Variants in CDK5RAP2 observed in about 807,000 individuals in gnomAD.
CDK5RAP2 encodes the protein CDK5 regulatory subunit-associated protein 2.
Under a neutral mutation model 232.9 loss-of-function variants are expected in CDK5RAP2, and 147 were observed. The observed-to-expected ratio is 0.63, with a 90% CI of 0.55 to 0.72. CDK5RAP2 has a LOEUF of 0.72. Among genes scored for constraint, CDK5RAP2 ranks in the 30% least tolerant of loss-of-function variants. CDK5RAP2 has a pLI of 0.00. For synonymous variants in CDK5RAP2, 833 were observed against 833.7 expected (o/e 1.00, Z 0.01); for missense variants, 2,195 against 2,231.5 (o/e 0.98, Z 0.33).
chr9:120,409,945 G>C (rs2033740751), intron 29 of CDK5RAP2, among the ~76,000 whole-genome samples: 1 of 152,164 alleles, frequency 6.6e-6, no homozygotes, highest in African/African-American at 2.4e-5. Context: ...CATCTATAAA[G>C]GGTTTATCAC....
At chr9:120,419,045 T>C (rs755436242) in intron 27 of CDK5RAP2, among the ~76,000 whole-genome samples, 3 of 152,278 alleles carry the variant, frequency 2.0e-5, no homozygotes, top group Non-Finnish European at 4.4e-5. Flanking sequence ...TGGGAGATGA[T>C]AGGACCATGA....
intron 23 of CDK5RAP2, among the ~76,000 whole-genome samples, chr9:120,442,918 C>G (rs951985572): frequency 2.0e-5 from 3 of 151,944 alleles, no homozygotes; most frequent in African/African-American, 7.3e-5. Flanking sequence ...ACAATTATTT[C>G]TAACAGAGTG....
chr9:120,437,275 G>A lies in CDK5RAP2; in HGVS notation c.3955+20C>T, dbSNP rs540334806. 2.6e-5 allele frequency: 41 copies of A among 1,554,344 alleles called. No homozygotes were observed. The highest frequency in any genetic ancestry group is 3.3e-4 in the Middle Eastern group (2 of 5,978). On this transcript the variant is annotated intron_variant, in intron 25 of 37. Transcript: ENST00000349780. ...GTCAATTACTGATGTCTTAAGACTC[G>A]CGTACCTCACCCTACCTACCGTTGA...
At chr9:120,451,476 T>C (rs941540197) in intron 21 of CDK5RAP2, among the ~76,000 whole-genome samples, 2 of 152,226 alleles carry the variant, frequency 1.3e-5, no homozygotes, top group African/African-American at 4.8e-5. Flanking sequence ...CTGGTCTCCT[T>C]GTCTCACCCT....
chr9:120,507,294 A>C (rs1286129646), intron 12 of CDK5RAP2, among the ~76,000 whole-genome samples: 1 of 152,220 alleles, frequency 6.6e-6, no homozygotes, highest in South Asian at 2.1e-4. Context: ...GCTTTATTCC[A>C]ATCCCTAATA....
At chr9:120,482,082 T>G (rs1290685924) in intron 14 of CDK5RAP2, among the ~76,000 whole-genome samples, 1 of 152,194 alleles carries the variant, frequency 6.6e-6, no homozygotes, top group African/African-American at 2.4e-5. Flanking sequence ...AGAAGTAACT[T>G]GTTTGAGTCC....
intron 6 of CDK5RAP2, among the ~76,000 whole-genome samples, chr9:120,538,760 T>C (rs1647216872): frequency 6.6e-6 from 1 of 152,246 alleles, no homozygotes; most frequent in Admixed American, 6.5e-5. Flanking sequence ...GGATTAAACC[T>C]ACTAGTATTA....
chr9:120,575,217 A>C (rs900265940), intron 1 of CDK5RAP2, among the ~76,000 whole-genome samples: 5 of 151,828 alleles, frequency 3.3e-5, no homozygotes, highest in Admixed American at 2.0e-4. Flanking sequence ...ACGCCCGGCT[A>C]ATTTTTTGTA....
chr9:120,390,029 T>C lies in CDK5RAP2; in HGVS notation c.5579-242A>G, dbSNP rs113524889. ...GCCCCGCTAAGCCACCACCTGACAG[T>C]GATGCAGAGGCTACAGCATGCTATG... On this transcript the variant is annotated intron_variant, in intron 36 of 37. Coordinates refer to ENST00000349780, the MANE Select transcript of CDK5RAP2 (RefSeq NM_018249.6). 3,021 of 538,004 alleles carry C rather than the reference T, an allele frequency of 5.6e-3. 73 individuals carry two copies. The highest frequency in any genetic ancestry group is 0.049 in the African/African-American group (2,613 of 52,866). 33.3% of individuals were successfully genotyped at this position (538,004 alleles called of 1,614,324 possible). A position where few individuals can be genotyped will look rare whatever the true frequency, so the allele number is the denominator to read the frequency against.
At chr9:120,413,401 T>TCCCCAAGG (rs923788797) in intron 28 of CDK5RAP2, among the ~76,000 whole-genome samples, 1 of 152,238 alleles carries the variant, frequency 6.6e-6, no homozygotes, top group Non-Finnish European at 1.5e-5. Context: ...TCAGGCCTGC[T>TCCCCAAGG]CCCCAAGGTA....
chr9:120,487,873 C>T (rs143333861), intron 13 of CDK5RAP2, among the ~76,000 whole-genome samples: 1 of 152,330 alleles, frequency 6.6e-6, no homozygotes, highest in East Asian at 1.9e-4. Context: ...AAGTCTTAGT[C>T]TCTCTTGAAA....
chr9:120,417,232 G>A (rs1315744658), intron 27 of CDK5RAP2, among the ~76,000 whole-genome samples: 1 of 146,438 alleles, frequency 6.8e-6, no homozygotes, highest in African/African-American at 2.6e-5. Flanking sequence ...GGCGCCCACG[G>A]CACTGCACCT....
At chr9:120,441,132 T>C (rs796113284) in intron 23 of CDK5RAP2, among the ~76,000 whole-genome samples, 13 of 152,324 alleles carry the variant, frequency 8.5e-5, no homozygotes, top group African/African-American at 2.9e-4. Context: ...ATGTCTCATA[T>C]GGTTGTAGTG....
intron 29 of CDK5RAP2, 115 bp from the exon 30 acceptor site, chr9:120,409,431 A>G: frequency 1.2e-6 from 1 of 833,886 alleles, no homozygotes; most frequent in Non-Finnish European, 1.9e-6. Context: ...TCTGGCATTT[A>G]TGATTTTGGC....
chr9:120,484,991 T>C (rs2038520876), intron 14 of CDK5RAP2, among the ~76,000 whole-genome samples: 1 of 152,018 alleles, frequency 6.6e-6, no homozygotes, highest in Non-Finnish European at 1.5e-5. Flanking sequence ...CCCACAATGC[T>C]AGGATTACAG....
intron 37 of CDK5RAP2, 152 bp downstream of exon 37, chr9:120,389,589 C>T: frequency 1.3e-6 from 1 of 752,040 alleles, no homozygotes. Flanking sequence ...TGATAAAACA[C>T]AACTTTTCAT....
intron 11 of CDK5RAP2, among the ~76,000 whole-genome samples, chr9:120,520,964 T>C (rs1040831321): frequency 9.9e-5 from 15 of 152,272 alleles, no homozygotes; most frequent in Middle Eastern, 3.4e-3. Context: ...CTGTATCTCA[T>C]GTATCATATG....
In CDK5RAP2 at chr9:120,407,130, C is replaced by A. The variant is rs1202824419; in HGVS notation, c.4845G>T (p.Leu1615=). 2.5e-6 allele frequency: 4 copies of A among 1,613,988 alleles called. No individual in the cohort carries two copies. The Admixed American group carries it at 5.0e-5, about 20-fold the overall frequency. Residue 1615 remains leucine (L), a synonymous_variant, in exon 32 of 38, where the codon CTG becomes CTT. Transcript: ENST00000349780. ...CCAGCTGTTCCTTGAGCCTGCTCTG[C>A]AGAGTGCTGCTGGTTTCGATGCTCC... ...LERSIETSST[L]QSRLKEQLAR...
chr9:120,559,711 T>C (rs924705516), intron 3 of CDK5RAP2, among the ~76,000 whole-genome samples: 1 of 152,146 alleles, frequency 6.6e-6, no homozygotes, highest in African/African-American at 2.4e-5. Context: ...AAGGCTGTAT[T>C]TGCCACATTC....
Sources: allele counts gnomAD v4.1 joint callset (sites outside exome capture counted in the v4.1 genomes callset), GRCh38; gene constraint gnomAD v4.1.1; transcripts MANE v1.5; gene names NCBI Gene and HGNC (gene_info 2026-07-23, HGNC 2026-07-21).